Variants in LRRTM4 observed in about 807,000 individuals in gnomAD.
LRRTM4 encodes leucine rich repeat transmembrane neuronal 4.
A neutral mutation model predicts 47.6 loss-of-function variants in LRRTM4; 25 were observed. The observed-to-expected ratio is 0.53, with a 90% CI of 0.38 to 0.73. The LOEUF (loss-of-function observed/expected upper bound fraction) is 0.73. Among genes scored for constraint, LRRTM4 ranks in the 30% least tolerant of loss-of-function variants. The pLI is 0.00. For synonymous variants in LRRTM4, 311 were observed against 269.5 expected, an observed-to-expected ratio of 1.15 and a Z score of -1.51; for missense variants, 638 against 713.4, an observed-to-expected ratio of 0.89 and a Z score of 1.20.
intron 3 of LRRTM4, among the ~76,000 whole-genome samples, chr2:77,220,951 G>C (rs1430646592): frequency 6.6e-6 from 1 of 152,226 alleles, no homozygotes; most frequent in Non-Finnish European, 1.5e-5. Context: ...AGGGCAGCCA[G>C]AGAGAAAAGT....
intron 3 of LRRTM4, among the ~76,000 whole-genome samples, chr2:77,128,359 TAAC>T (rs1025128451): frequency 9.2e-5 from 14 of 151,822 alleles, no homozygotes; most frequent in African/African-American, 3.1e-4. Context: ...AAGCATAAGA[TAAC>T]AATGATAGGG....
intron 3 of LRRTM4, among the ~76,000 whole-genome samples, chr2:76,940,961 T>C (rs77037018): frequency 0.065 from 9,841 of 152,264 alleles, 394 homozygotes; most frequent in Non-Finnish European, 0.1. Flanking sequence ...CTTACCACTT[T>C]TGTTATCTTC....
chr2:77,457,052 G>A (rs5002968), intron 3 of LRRTM4, among the ~76,000 whole-genome samples: 1,747 of 7,646 alleles, frequency 0.23, 113 homozygotes, highest in Middle Eastern at 0.6. Flanking sequence ...ATATATATAT[G>A]TATAACCTGG....
chr2:77,287,518 C>G (rs1676698888), intron 3 of LRRTM4, among the ~76,000 whole-genome samples: 1 of 151,824 alleles, frequency 6.6e-6, no homozygotes, highest in South Asian at 2.1e-4. Flanking sequence ...TCAGGTGAAC[C>G]CCAGTCTGAA....
chr2:77,341,363 C>T (rs1412490499), intron 3 of LRRTM4, among the ~76,000 whole-genome samples: 1 of 151,864 alleles, frequency 6.6e-6, no homozygotes, highest in Non-Finnish European at 1.5e-5. Flanking sequence ...CTGGTATATA[C>T]CCCCTCCATC....
chr2:76,907,047 T>C (rs1361776339), intron 3 of LRRTM4, among the ~76,000 whole-genome samples: 2 of 152,134 alleles, frequency 1.3e-5, no homozygotes, highest in African/African-American at 4.8e-5. Flanking sequence ...TACATTTTTT[T>C]CAGCACCAAA....
chr2:77,437,602 G>T (rs1248082376), intron 3 of LRRTM4, among the ~76,000 whole-genome samples: 1 of 151,952 alleles, frequency 6.6e-6, no homozygotes, highest in Non-Finnish European at 1.5e-5. Flanking sequence ...TAAAACATTA[G>T]CATTACTCTG....
chr2:77,343,321 G>A (rs1015341300), intron 3 of LRRTM4, among the ~76,000 whole-genome samples: 7 of 151,852 alleles, frequency 4.6e-5, no homozygotes, highest in Admixed American at 4.6e-4. Flanking sequence ...TTTTTCCATG[G>A]AAAACATATT....
intron 3 of LRRTM4, among the ~76,000 whole-genome samples, chr2:77,101,932 C>CA (rs1670965864): frequency 6.6e-6 from 1 of 152,092 alleles, no homozygotes; most frequent in African/African-American, 2.4e-5. Context: ...CATGAGTCTT[C>CA]AAAAAAACGT....
rs535765972 is a variant in LRRTM4, at chr2:76,906,963, C to T, written c.1552-158047G>A. Among the ~76,000 whole-genome samples the T allele has an allele frequency of 2.7e-4, 41 of 151,880 alleles. No individual in the cohort carries two copies. In the East Asian group the frequency reaches 7.5e-3, roughly 28 times the overall value. On this transcript the variant is annotated intron_variant, in intron 3 of 3. Coordinates refer to ENST00000409884, the MANE Select transcript of LRRTM4 (RefSeq NM_001134745.3). ...TGAGACAGAAAGTTAACAAGGATAC[C>T]CAGGAATTGAACTCAGCTCTGCACC...
chr2:77,493,495 A>G (rs1428395469), intron 3 of LRRTM4, among the ~76,000 whole-genome samples: 1 of 152,040 alleles, frequency 6.6e-6, no homozygotes, highest in Non-Finnish European at 1.5e-5. Context: ...AAATAGAAAG[A>G]CTGTCATTTT....
rs180974016 is a variant in LRRTM4, at chr2:76,871,318, G to C, written c.1552-122402C>G. On this transcript the variant is annotated intron_variant, in intron 3 of 3. Coordinates refer to ENST00000409884, the MANE Select transcript of LRRTM4 (RefSeq NM_001134745.3). ...TCTAGTTCAATCTTCTGATATTACA[G>C]ATAATGGAAAGAGCATAAATGGAGT... is the stretch of plus-strand genomic sequence containing the variant. Among the ~76,000 whole-genome samples the C allele has an allele frequency of 2.1e-3, 318 of 152,190 alleles. 1 individual carries two copies. The highest frequency in any genetic ancestry group is 3.5e-3 in the Admixed American group (53 of 15,270).
At chr2:76,822,289 G>A (rs952150441) in intron 3 of LRRTM4, among the ~76,000 whole-genome samples, 1 of 151,178 alleles carries the variant, frequency 6.6e-6, no homozygotes. Flanking sequence ...GAAAAAAGCA[G>A]AAATACAAAG....
chr2:76,901,419 T>C (rs1243590886), intron 3 of LRRTM4, among the ~76,000 whole-genome samples: 1 of 152,156 alleles, frequency 6.6e-6, no homozygotes, highest in East Asian at 1.9e-4. Context: ...CCATGGTCTA[T>C]ATGTACCACA....
chr2:77,319,059 C>T (rs2104220309), intron 3 of LRRTM4, among the ~76,000 whole-genome samples: 1 of 152,078 alleles, frequency 6.6e-6, no homozygotes, highest in Non-Finnish European at 1.5e-5. Flanking sequence ...AGTTAATTAT[C>T]ATGGGTATAG....
chr2:77,036,802 C>T (rs939436845), intron 3 of LRRTM4, among the ~76,000 whole-genome samples: 31 of 151,662 alleles, frequency 2.0e-4, no homozygotes, highest in African/African-American at 6.0e-4. Flanking sequence ...GTAACTGAAG[C>T]AAAAATGTGG....
At chr2:77,419,226 A>C (rs962725988) in intron 3 of LRRTM4, among the ~76,000 whole-genome samples, 1 of 152,172 alleles carries the variant, frequency 6.6e-6, no homozygotes, top group East Asian at 1.9e-4. Context: ...CTTGAGGCCA[A>C]AGTTAATTCC....
chr2:76,934,403 G>C (rs1027271863), intron 3 of LRRTM4, among the ~76,000 whole-genome samples: 1 of 152,108 alleles, frequency 6.6e-6, no homozygotes, highest in Non-Finnish European at 1.5e-5. Flanking sequence ...ACAGTAATGT[G>C]ACTAGGGACA....
chr2:77,458,696 A>C (rs923628229), intron 3 of LRRTM4, among the ~76,000 whole-genome samples: 1 of 151,502 alleles, frequency 6.6e-6, no homozygotes. Context: ...GGTTCGGTGG[A>C]TGGCTGGCTG....
Sources: gnomAD v4.1 joint callset for allele counts (sites outside exome capture counted in the v4.1 genomes callset) on GRCh38, gnomAD v4.1.1 for gene constraint, MANE v1.5 for transcripts, NCBI Gene and HGNC (gene_info 2026-07-23, HGNC 2026-07-21) for gene names.